GDI2: variants seen among roughly 807,000 people sequenced by gnomAD.
The protein encoded by GDI2 is GDP dissociation inhibitor 2, also known as rab GDP dissociation inhibitor beta.
A neutral mutation model predicts 54.2 loss-of-function variants in GDI2; 22 were observed. The observed-to-expected ratio is 0.41, with a 90% CI of 0.29 to 0.58. The LOEUF (loss-of-function observed/expected upper bound fraction) is 0.58. GDI2 is among the 20% of genes least tolerant of loss of function. The pLI, the probability that GDI2 is intolerant of heterozygous loss-of-function variation, is 0.35. For synonymous variants in GDI2, 177 were observed against 182.1 expected (o/e 0.97, Z 0.23); for missense variants, 422 against 546.0 (o/e 0.77, Z 2.26).
chr10:5,767,797 T>C (rs796731604), intron 8 of GDI2, among the ~76,000 whole-genome samples: 4 of 152,306 alleles, frequency 2.6e-5, no homozygotes, highest in African/African-American at 9.6e-5. Context: ...CATGTCCTGA[T>C]CACAGAAATG....
At chr10:5,772,555 G>A (rs1366424079) in intron 7 of GDI2, among the ~76,000 whole-genome samples, 1 of 151,822 alleles carries the variant, frequency 6.6e-6, no homozygotes, top group Non-Finnish European at 1.5e-5. Flanking sequence ...CCGGGAGTTC[G>A]AGACCAGCCT....
At chr10:5,794,188 A>AAAAT (rs1448053813) in intron 4 of GDI2, among the ~76,000 whole-genome samples, 3 of 40,344 alleles carry the variant, frequency 7.4e-5, no homozygotes, top group South Asian at 1.2e-3. Context: ...AAAAAAAAAA[A>AAAAT]ATATATATAT....
chr10:5,778,043 C>T (rs1327887326), intron 6 of GDI2, among the ~76,000 whole-genome samples: 7 of 152,096 alleles, frequency 4.6e-5, no homozygotes, highest in Non-Finnish European at 8.8e-5. Flanking sequence ...GAACAGAAAA[C>T]CAAATACCGC....
chr10:5,799,915 C>T (rs1291895657), intron 2 of GDI2, among the ~76,000 whole-genome samples: 1 of 152,108 alleles, frequency 6.6e-6, no homozygotes, highest in African/African-American at 2.4e-5. Flanking sequence ...AACTGCTGAA[C>T]TCTGATGGAA....
intron 2 of GDI2, among the ~76,000 whole-genome samples, chr10:5,799,550 G>A (rs967791637): frequency 6.6e-6 from 1 of 152,200 alleles, no homozygotes; most frequent in African/African-American, 2.4e-5. Flanking sequence ...TACTTGGGAG[G>A]CTGAGGCAGA....
chr10:5,786,007 T>C lies in GDI2; in HGVS notation c.432A>G (p.Leu144=), dbSNP rs145524434. The change falls in exon 5 of 11, where the codon CTA becomes CTG. Residue 144 remains leucine (L), a synonymous_variant. Coordinates refer to ENST00000380191, the MANE Select transcript of GDI2 (RefSeq NM_001494.4). ...LFEKRRFRKF[L]VYVANFDEKD... ...TTTCATCGAAGTTGGCAACATACAC[T>C]AGGAATTTCCTGAAGCGACGTTTTT... 1.4e-4 allele frequency: 220 copies of C among 1,613,772 alleles called. No homozygotes were observed. In the South Asian group the frequency reaches 1.5e-3, roughly 11 times the overall value.
At chr10:5,772,392 T>G (rs1298515786) in intron 7 of GDI2, among the ~76,000 whole-genome samples, 3 of 152,226 alleles carry the variant, frequency 2.0e-5, no homozygotes, top group African/African-American at 7.2e-5. Context: ...CCAATCACAC[T>G]ACGACAGTCA....
At chr10:5,787,712 A>C (rs1840911641) in intron 4 of GDI2, among the ~76,000 whole-genome samples, 1 of 152,254 alleles carries the variant, frequency 6.6e-6, no homozygotes, top group Non-Finnish European at 1.5e-5. Context: ...GACAGGCAAA[A>C]GGAAACATGA....
chr10:5,768,250 C>T lies in GDI2; in HGVS notation c.954G>A (p.Gln318=). 2 of 1,613,332 alleles carry T rather than the reference C, an allele frequency of 1.2e-6. No homozygotes were observed. The highest frequency in any genetic ancestry group is 1.7e-6 in the Non-Finnish European group (2 of 1,179,246). Reference sequence around the variant, plus strand: ...TGACTTGGTTCTGTGGAATAATGATCTGGCAGGAGTTGGCATCATTGGTGT... The same window carrying T: ...TGACTTGGTTCTGTGGAATAATGATTTGGCAGGAGTTGGCATCATTGGTGT... ...IKNTNDANSC[Q]IIIPQNQVNR... is the part of the protein sequence containing the mutation. Residue 318 remains glutamine, a synonymous_variant, in exon 8 of 11, where the codon CAG becomes CAA. Coordinates refer to ENST00000380191, the MANE Select transcript of GDI2 (RefSeq NM_001494.4). This position sits in a 1 kb window ranked among gnomAD's most constrained non-coding sequence, Gnocchi z 4.4.
intron 4 of GDI2, 115 bp from the exon 5 acceptor site, chr10:5,786,165 A>ATTTTTTTT (rs35328258): frequency 1.3e-5 from 5 of 385,990 alleles, no homozygotes; most frequent in Admixed American, 4.9e-5. Context: ...GCAGGATGCA[A>ATTTTTTTT]TTTTTTTTTT....
chr10:5,776,743 A>G lies in GDI2; in HGVS notation c.720-2802T>C. On this transcript the variant is annotated intron_variant, in intron 6 of 10. Coordinates refer to ENST00000380191, the MANE Select transcript of GDI2 (RefSeq NM_001494.4). The surrounding 1 kb of genome is among the most constrained non-coding windows in gnomAD (Gnocchi z 5.3). ...CCTCTTTAACCTGGCAGAAGTTTGC[A>G]GCAAATACCAGGAAAGCCAAGGACA... is the stretch of plus-strand genomic sequence containing the variant. 6.6e-7 allele frequency: 1 copy of G among 1,516,896 alleles called. No individual in the cohort carries two copies. Among genetic ancestry groups the G allele is most frequent in the Non-Finnish European group, 9.1e-7 (1 of 1,095,914 alleles). 94.0% of individuals were successfully genotyped at this position (1,516,896 alleles called of 1,614,324 possible).
chr10:5,795,510 CT>C (rs1841125751), intron 3 of GDI2, among the ~76,000 whole-genome samples: 1 of 152,082 alleles, frequency 6.6e-6, no homozygotes. Context: ...TATTTTTTAT[CT>C]TTTTTTCCTA....
At chr10:5,785,329 C>A in intron 5 of GDI2, 56 bp from the exon 6 acceptor site, 1 of 1,302,060 alleles carries the variant, frequency 7.7e-7, no homozygotes, top group South Asian at 1.4e-5. Flanking sequence ...TCATGGTGTT[C>A]AATTTATAAT....
chr10:5,813,118 G>A lies in GDI2; in HGVS notation c.45+96C>T, dbSNP rs957491781. On this transcript the variant is annotated intron_variant, in intron 1 of 10. Transcript: ENST00000380191. The stretch of plus-strand genomic sequence containing the variant: ...CGAAAACTACGGCTGACGGCAGAAC[G>A]AGACCCCCGAGGAGCTGCGACCCGC... The A allele has an allele frequency of 4.2e-6, 3 of 707,832 alleles. No homozygotes were observed. The Admixed American group carries it at 9.9e-5, about 23-fold the overall frequency. 43.8% of individuals were successfully genotyped at this position (707,832 alleles called of 1,614,324 possible). A position where few individuals can be genotyped will look rare whatever the true frequency, so the allele number is the denominator to read the frequency against.
chr10:5,804,096 C>CTTTTTT (rs34897650), intron 1 of GDI2, among the ~76,000 whole-genome samples: 1 of 147,274 alleles, frequency 6.8e-6, no homozygotes. Flanking sequence ...ATCATTCTTT[C>CTTTTTT]TTTTTTTTTT....
Position 5,785,896 on chromosome 10 carries a change from A to T in GDI2, c.543T>A (p.Val181=). 1 of 1,612,150 alleles carries T rather than the reference A, an allele frequency of 6.2e-7. No individual in the cohort carries two copies. Among genetic ancestry groups the T allele is most frequent in the Non-Finnish European group, 8.5e-7 (1 of 1,178,254 alleles). ...CAAGAGCATGACCAGTAAAATCTATAACGTCTTGACCCAAATCAAATTTCT... is the reference window on the plus strand; with the variant it reads ...CAAGAGCATGACCAGTAAAATCTATTACGTCTTGACCCAAATCAAATTTCT... The part of the protein sequence containing the change: ...VYKKFDLGQD[V]IDFTGHALAL... Residue 181 remains valine, a synonymous_variant, in exon 5 of 11, where the codon GTT becomes GTA. Coordinates refer to ENST00000380191, the MANE Select transcript of GDI2 (RefSeq NM_001494.4).
chr10:5,784,995 TTA>T (rs1840841557), intron 6 of GDI2, 145 bp downstream of exon 6: 1 of 323,896 alleles, frequency 3.1e-6, no homozygotes, highest in East Asian at 5.0e-5. Context: ...ATGCATATCA[TTA>T]TATGTTAATT....
chr10:5,791,213 T>C (rs1025364783), intron 4 of GDI2, among the ~76,000 whole-genome samples: 2 of 152,180 alleles, frequency 1.3e-5, no homozygotes, highest in Non-Finnish European at 2.9e-5. Context: ...GAGGATCACT[T>C]GAGCCCAGGA....
intron 7 of GDI2, among the ~76,000 whole-genome samples, chr10:5,773,315 G>A (rs974329356): frequency 6.7e-6 from 1 of 150,238 alleles, no homozygotes; most frequent in African/African-American, 2.4e-5. Context: ...GTGTCAAATG[G>A]CAGAAGAATT....
Sources: gnomAD v4.1 joint callset for allele counts (sites outside exome capture counted in the v4.1 genomes callset) on GRCh38, gnomAD v4.1.1 for gene constraint, Gnocchi (gnomAD v3.1) non-coding constraint, MANE v1.5 for transcripts, NCBI Gene and HGNC (gene_info 2026-07-23, HGNC 2026-07-21) for gene names.